Variants in ELP4 observed in about 807,000 individuals in gnomAD.
ELP4 encodes the protein elongator acetyltransferase complex subunit 4.
In ELP4, 51 loss-of-function variants were observed where a neutral mutation model predicts 48.9. The ratio of observed to expected loss-of-function variants is 1.04; its 90% CI spans 0.83 to 1.32. ELP4 has a LOEUF of 1.32. Among genes scored for constraint, ELP4 ranks in the 40% most tolerant of loss-of-function variants. The pLI is 0.00. For synonymous variants in ELP4, 210 were observed against 189.2 expected (o/e 1.11, Z -0.90); for missense variants, 519 against 514.6 (o/e 1.01, Z -0.08).
intron 2 of ELP4, among the ~76,000 whole-genome samples, chr11:31,534,301 G>A (rs1237333609): frequency 6.8e-6 from 1 of 147,796 alleles, no homozygotes; most frequent in Non-Finnish European, 1.5e-5. Flanking sequence ...GTATGAGAGC[G>A]AGAGAGAGAG....
chr11:31,571,970 A>G (rs1320632461), intron 3 of ELP4, among the ~76,000 whole-genome samples: 1 of 152,200 alleles, frequency 6.6e-6, no homozygotes, highest in African/African-American at 2.4e-5. Flanking sequence ...TGGAATGATA[A>G]GTGAGTATTG....
chr11:31,731,296 T>C (rs927373526), intron 9 of ELP4, among the ~76,000 whole-genome samples: 1 of 152,220 alleles, frequency 6.6e-6, no homozygotes, highest in Non-Finnish European at 1.5e-5. Context: ...ATCATAAATA[T>C]GTTAATCAAA....
intron 9 of ELP4, among the ~76,000 whole-genome samples, chr11:31,694,218 T>C (rs528229464): frequency 6.6e-6 from 1 of 152,332 alleles, no homozygotes; most frequent in African/African-American, 2.4e-5. Context: ...TTTGGTGTTT[T>C]AGACATGAAG....
chr11:31,539,519 C>T lies in ELP4; in HGVS notation c.260-143C>T, dbSNP rs545729190. On this transcript the variant is annotated intron_variant, in intron 2 of 9. Transcript: ENST00000640961. The stretch of plus-strand genomic sequence containing the variant: ...TCTCTTAGCCTATCTATCTATGCCT[C>T]AGGAATACGCAGTTTTTGTTCCACC... 1.6e-4 allele frequency: 110 copies of T among 677,536 alleles called. No homozygotes were observed. The African/African-American group carries it at 1.8e-3, about 11-fold the overall frequency. The allele number at this position is 677,536 out of a possible 1,614,324, so 42.0% of individuals were successfully genotyped here.
intron 9 of ELP4, among the ~76,000 whole-genome samples, chr11:31,657,837 T>G (rs1300090726): frequency 1.2e-4 from 18 of 152,016 alleles, no homozygotes; most frequent in Non-Finnish European, 4.4e-5. Context: ...GTTCACAAAC[T>G]CTGTTAATTA....
intron 9 of ELP4, among the ~76,000 whole-genome samples, chr11:31,765,007 G>A (rs751388406): frequency 2.6e-5 from 4 of 152,040 alleles, no homozygotes; most frequent in Admixed American, 1.3e-4. Flanking sequence ...TCATATAACC[G>A]TAATCCCCCT....
intron 5 of ELP4, among the ~76,000 whole-genome samples, chr11:31,619,359 G>T (rs980465454): frequency 4.6e-5 from 7 of 151,932 alleles, no homozygotes. Flanking sequence ...TGAGAATGTG[G>T]TGTCTTAGTC....
At chr11:31,747,055 TTGTG>T (rs1422652980) in intron 9 of ELP4, among the ~76,000 whole-genome samples, 1 of 149,616 alleles carries the variant, frequency 6.7e-6, no homozygotes, top group Admixed American at 6.7e-5. Context: ...GTGTGTGTGT[TTGTG>T]TGTGTCTGTG....
chr11:31,594,622 T>C (rs974204512), intron 3 of ELP4, 148 bp from the exon 4 acceptor site: 4 of 459,108 alleles, frequency 8.7e-6, no homozygotes, highest in Admixed American at 4.6e-5. Flanking sequence ...GTTTTAGAAA[T>C]GTCTATTTTT....
intron 9 of ELP4, among the ~76,000 whole-genome samples, chr11:31,671,968 T>C (rs1222439032): frequency 6.6e-6 from 1 of 152,090 alleles, no homozygotes; most frequent in Non-Finnish European, 1.5e-5. Flanking sequence ...CTTATTCCCA[T>C]CAGGAACTTT....
chr11:31,564,740 G>C (rs775432034), intron 3 of ELP4, among the ~76,000 whole-genome samples: 7 of 152,126 alleles, frequency 4.6e-5, no homozygotes, highest in Non-Finnish European at 7.4e-5. Context: ...AGTATTCCTT[G>C]TTGTATATGT....
chr11:31,613,928 C>A (rs1245208940), intron 5 of ELP4, among the ~76,000 whole-genome samples: 1 of 151,944 alleles, frequency 6.6e-6, no homozygotes, highest in African/African-American at 2.4e-5. Flanking sequence ...CCAGGCTGGT[C>A]TAGAACTCCT....
chr11:31,587,317 A>G (rs577240226), intron 3 of ELP4, among the ~76,000 whole-genome samples: 1 of 152,342 alleles, frequency 6.6e-6, no homozygotes, highest in East Asian at 1.9e-4. Flanking sequence ...TACAGACTAG[A>G]ATGTAAAACG....
intron 9 of ELP4, among the ~76,000 whole-genome samples, chr11:31,682,490 A>G (rs1350251129): frequency 6.6e-6 from 1 of 152,210 alleles, no homozygotes; most frequent in Non-Finnish European, 1.5e-5. Context: ...CTAGCCTGAC[A>G]GTTGCATCAT....
chr11:31,627,513 G>T (rs1290391823), intron 6 of ELP4, among the ~76,000 whole-genome samples: 1 of 151,948 alleles, frequency 6.6e-6, no homozygotes, highest in African/African-American at 2.4e-5. Flanking sequence ...TGCAAGGCTT[G>T]TACTTTTCTA....
chr11:31,640,366 T>C (rs1218484785), intron 7 of ELP4, among the ~76,000 whole-genome samples: 2 of 151,938 alleles, frequency 1.3e-5, no homozygotes, highest in East Asian at 3.9e-4. Flanking sequence ...TTACGTACTT[T>C]CCCTTAAAGA....
At chr11:31,680,520 G>C (rs1366872138) in intron 9 of ELP4, among the ~76,000 whole-genome samples, 4 of 152,054 alleles carry the variant, frequency 2.6e-5, no homozygotes, top group African/African-American at 9.7e-5. Context: ...GTTGTGGAGG[G>C]GTACAAGCAA....
At chr11:31,630,659 G>T (rs914844934) in intron 6 of ELP4, among the ~76,000 whole-genome samples, 1 of 152,008 alleles carries the variant, frequency 6.6e-6, no homozygotes, top group Non-Finnish European at 1.5e-5. Context: ...AATAAAACTG[G>T]CTGGATGCAG....
chr11:31,751,406 T>C (rs1053213963), intron 9 of ELP4, among the ~76,000 whole-genome samples: 2 of 151,966 alleles, frequency 1.3e-5, no homozygotes, highest in African/African-American at 4.8e-5. Flanking sequence ...TTCTGAAAAA[T>C]GTGGGAGAGG....
Sources: allele counts gnomAD v4.1 joint callset (sites outside exome capture counted in the v4.1 genomes callset), GRCh38; gene constraint gnomAD v4.1.1; transcripts MANE v1.5; gene names NCBI Gene and HGNC (gene_info 2026-07-23, HGNC 2026-07-21).